CAPN3: variants seen among roughly 807,000 people sequenced by gnomAD.
CAPN3 encodes calpain 3.
In CAPN3, 88 loss-of-function variants were observed where a neutral mutation model predicts 114.0. The observed-to-expected ratio is 0.77, with a 90% CI of 0.65 to 0.92. The LOEUF (loss-of-function observed/expected upper bound fraction) is 0.92, where lower values mean the gene tolerates loss of function less well. Ranked by LOEUF, CAPN3 falls within the 40% of genes least tolerant of loss-of-function variation. The probability of loss-of-function intolerance (pLI) is 0.00; values close to 1 mark genes in which losing one functional copy is unlikely to be tolerated. For synonymous variants in CAPN3, 386 were observed against 382.9 expected, an observed-to-expected ratio of 1.01 and a Z score of -0.09; for missense variants, 1,028 against 1,069.0, an observed-to-expected ratio of 0.96 and a Z score of 0.53.
chr15:42,364,186 A>T (rs1476351273), intron 1 of CAPN3, among the ~76,000 whole-genome samples: 1 of 152,076 alleles, frequency 6.6e-6, no homozygotes, highest in Non-Finnish European at 1.5e-5. Flanking sequence ...CTGAGGTCAG[A>T]TAACCTAAGT....
At chr15:42,389,186 G>A in intron 5 of CAPN3, 90 bp downstream of exon 5, 1 of 1,241,498 alleles carries the variant, frequency 8.1e-7, no homozygotes, top group Non-Finnish European at 1.2e-6. Context: ...CTTTTGTGTG[G>A]GACAGAGCGA....
intron 6 of CAPN3, 70 bp downstream of exon 6, chr15:42,390,166 G>C (rs1382244969): frequency 7.7e-6 from 12 of 1,568,604 alleles, no homozygotes; most frequent in Non-Finnish European, 9.6e-6. Flanking sequence ...ATTAGTGTCA[G>C]ACTCCCCTCA....
chr15:42,410,017 C>T (rs757551377), intron 19 of CAPN3, 22 bp downstream of exon 19: 15 of 1,609,786 alleles, frequency 9.3e-6, no homozygotes, highest in African/African-American at 1.3e-5. Flanking sequence ...GCCGCCCCTT[C>T]CCGACCCTCT....
At chr15:42,401,507 T>C in intron 10 of CAPN3, 134 bp from the exon 11 acceptor site, 1 of 338,050 alleles carries the variant, frequency 3.0e-6, no homozygotes, top group Non-Finnish European at 5.8e-6. Context: ...GAGAAATGCC[T>C]GAATCGTGTT....
In CAPN3 at chr15:42,389,072, C is replaced by T. The variant is rs762739626; in HGVS notation, c.777C>T (p.Gly259=). 3.1e-6 allele frequency: 5 copies of T among 1,614,088 alleles called. No individual in the cohort carries two copies. The highest frequency in any genetic ancestry group is 2.2e-5 in the South Asian group (2 of 91,050). Residue 259 remains glycine, a synonymous_variant, in exon 5 of 24, where the codon GGC becomes GGT. Coordinates refer to ENST00000397163, the MANE Select transcript of CAPN3 (RefSeq NM_000070.3). The stretch of plus-strand genomic sequence containing the variant: ...TCATGAAGAAAGCCATCGAGAGAGG[C>T]TCCCTCATGGGCTGCTCCATTGATG... ...YKIMKKAIER[G]SLMGCSIDDG... is the part of the protein sequence containing the mutation.
intron 10 of CAPN3, among the ~76,000 whole-genome samples, chr15:42,400,719 C>T (rs949504446): frequency 2.0e-5 from 3 of 151,530 alleles, no homozygotes; most frequent in Non-Finnish European, 2.9e-5. Context: ...AAAATATCAG[C>T]GTGTTGTTTG....
rs1440323505 is a variant in CAPN3 at position 42,394,181 on chromosome 15, C to G, written c.1030-75C>G. ...AAGAGATTTGCCCCCCAGCCCCGTCCCAGCCCTCAGCAAGACAGAAGATTC... is the reference window on the plus strand; with the variant it reads ...AAGAGATTTGCCCCCCAGCCCCGTCGCAGCCCTCAGCAAGACAGAAGATTC... On this transcript the variant is annotated intron_variant, in intron 7 of 23. Transcript: ENST00000397163. 4.3e-6 allele frequency: 6 copies of G among 1,384,902 alleles called. No individual in the cohort carries two copies. In the African/African-American group the frequency reaches 8.6e-5, roughly 20 times the overall value. 85.8% of individuals were successfully genotyped at this position (1,384,902 alleles called of 1,614,324 possible).
intron 4 of CAPN3, among the ~76,000 whole-genome samples, chr15:42,388,582 C>T (rs555552461): frequency 6.6e-6 from 1 of 152,224 alleles, no homozygotes; most frequent in South Asian, 2.1e-4. Flanking sequence ...GCTGGGATTG[C>T]CGGTGTGAGC....
At position 42,411,058 on chromosome 15, in the gene CAPN3, G is replaced by GCATCTCA; in HGVS notation, c.2380+60_2380+66dup. On this transcript the variant is annotated intron_variant, in intron 22 of 23. Coordinates refer to ENST00000397163, the MANE Select transcript of CAPN3 (RefSeq NM_000070.3). ...CTTGCAGGGGCAGTTGTGGCAACAG[G>GCATCTCA]CATCTCACCTGATAATCTCCAGTCT... 3 of 1,330,516 alleles carry GCATCTCA rather than the reference G, an allele frequency of 2.3e-6. No individual in the cohort carries two copies. The Admixed American group carries it at 5.0e-5, about 22-fold the overall frequency. The allele number at this position is 1,330,516 out of a possible 1,614,324, so 82.4% of individuals were successfully genotyped here.
intron 14 of CAPN3, 111 bp downstream of exon 14, chr15:42,403,888 T>G: frequency 1.0e-6 from 1 of 978,984 alleles, no homozygotes; most frequent in Non-Finnish European, 1.6e-6. Flanking sequence ...AATGGGAGTC[T>G]GGGCTGTGCT....
intron 1 of CAPN3, among the ~76,000 whole-genome samples, chr15:42,377,024 C>T (rs2053106555): frequency 6.6e-6 from 1 of 152,160 alleles, no homozygotes; most frequent in Admixed American, 6.5e-5. Flanking sequence ...TGGAATCTTG[C>T]AACTGAGCTA....
intron 21 of CAPN3, 26 bp from the exon 22 acceptor site, chr15:42,410,858 C>T: frequency 6.4e-7 from 1 of 1,574,562 alleles, no homozygotes; most frequent in Non-Finnish European, 8.7e-7. Context: ...GCTCCACGTC[C>T]ACCTCTAACA....
intron 1 of CAPN3, among the ~76,000 whole-genome samples, chr15:42,382,370 T>C (rs2141150209): frequency 6.6e-6 from 1 of 152,256 alleles, no homozygotes; most frequent in Admixed American, 6.5e-5. Context: ...GTTTTTTGTT[T>C]TTGTTTTTGT....
Position 42,410,460 on chromosome 15 carries a change from G to T in CAPN3, c.2148G>T (p.Glu716Asp), listed in dbSNP as rs770894443. 4 of 1,614,146 alleles carry T rather than the reference G, an allele frequency of 2.5e-6. No individual in the cohort carries two copies. The highest frequency in any genetic ancestry group is 3.4e-6 in the Non-Finnish European group (4 of 1,180,016). The change falls in exon 20 of 24, where the codon GAG (glutamate) becomes GAT (aspartate). Residue 716 changes from glutamate (E) to aspartate (D), a missense_variant. Glu to Asp is a conservative substitution (Grantham distance 45). Coordinates refer to ENST00000397163, the MANE Select transcript of CAPN3 (RefSeq NM_000070.3). ...TDGSGKLNLQ[E>D]FHHLWNKIKA... ...GCTCTGGAAAGCTCAACCTGCAGGA[G>T]TTCCACCACCTCTGGAACAAGATTA...
At position 42,394,029 on chromosome 15, in the gene CAPN3, TAGAG is replaced by T. The variant is rs574154224; in HGVS notation, c.1030-224_1030-221del. ...CCTGAGAAAATTGCCTCTTAGAAGA[TAGAG>T]AGGAGATGGCCAAGCCCTAAGTTAG... On this transcript the variant is annotated intron_variant, in intron 7 of 23. Coordinates refer to ENST00000397163, the MANE Select transcript of CAPN3 (RefSeq NM_000070.3). Among the ~76,000 whole-genome samples, 8 of 152,074 alleles carry T rather than the reference TAGAG, an allele frequency of 5.3e-5. No homozygotes were observed. The South Asian group carries it at 1.5e-3, about 28-fold the overall frequency.
rs1180179888 is a variant in CAPN3, at chr15:42,409,365, G to A, written c.1977G>A (p.Lys659=). The change falls in exon 17 of 24, where the codon AAG becomes AAA. Residue 659 remains lysine (K), a synonymous_variant. Coordinates refer to ENST00000397163, the MANE Select transcript of CAPN3 (RefSeq NM_000070.3). ...AGCAACAATTCCGGAACATTTTCAA[G>A]CAGATAGCAGGAGATGTGAGTACCT... ...EEQQQFRNIF[K]QIAGDDMEIC... is the part of the protein sequence containing the mutation. 1 of 1,614,182 alleles carries A rather than the reference G, an allele frequency of 6.2e-7. No homozygotes were observed. Among genetic ancestry groups the A allele is most frequent in the Admixed American group, 1.7e-5 (1 of 60,022 alleles).
intron 16 of CAPN3, chr15:42,408,592 G>A: frequency 2.3e-6 from 1 of 441,452 alleles, no homozygotes; most frequent in South Asian, 1.9e-5. Flanking sequence ...TACAGAGAAG[G>A]GGAGGCAAAG....
chr15:42,409,505 A>G (rs2054137694), intron 17 of CAPN3, 125 bp downstream of exon 17: 10 of 972,120 alleles, frequency 1.0e-5, no homozygotes, highest in African/African-American at 1.6e-5. Context: ...GAGCCAGGGG[A>G]TGTGTGCGTA....
At chr15:42,397,162 A>G (rs1488804339) in intron 9 of CAPN3, among the ~76,000 whole-genome samples, 2 of 152,110 alleles carry the variant, frequency 1.3e-5, no homozygotes, top group African/African-American at 4.8e-5. Context: ...CCTTAGCACA[A>G]TTCTTTTCTG....
Sources: allele counts gnomAD v4.1 joint callset (sites outside exome capture counted in the v4.1 genomes callset), GRCh38; gene constraint gnomAD v4.1.1; transcripts MANE v1.5; gene names NCBI Gene and HGNC (gene_info 2026-07-23, HGNC 2026-07-21).